The following TXLNB variants were observed in gnomAD, a reference collection of about 807,000 sequenced individuals.
TXLNB encodes beta-taxilin.
In TXLNB, 37 loss-of-function variants were observed where a neutral mutation model predicts 57.4. The observed-to-expected ratio is 0.64, with a 90% confidence interval of 0.50 to 0.85. The LOEUF is 0.85. TXLNB is among the 40% of genes least tolerant of loss of function. The pLI, the probability that TXLNB is intolerant of heterozygous loss-of-function variation, is 0.00. For synonymous variants in TXLNB, 302 were observed against 309.6 expected, an observed-to-expected ratio of 0.98 and a Z score of 0.26; for missense variants, 848 against 825.6, an observed-to-expected ratio of 1.03 and a Z score of -0.33.
the TXLNB span, among the ~76,000 whole-genome samples, chr6:139,172,254 G>A: frequency 2.0e-5 from 3 of 152,208 alleles, no homozygotes; most frequent in Non-Finnish European, 4.4e-5. Context: ...ATGAGCCACT[G>A]TGCCTAGCCT....
At chr6:139,221,405 T>C in the TXLNB span, among the ~76,000 whole-genome samples, 1 of 152,180 alleles carries the variant, frequency 6.6e-6, no homozygotes, top group African/African-American at 2.4e-5. Context: ...AACTGCCTGC[T>C]GGAAGCTAAA....
At chr6:139,164,693 G>A in the TXLNB span, among the ~76,000 whole-genome samples, 2 of 152,116 alleles carry the variant, frequency 1.3e-5, no homozygotes, top group Non-Finnish European at 2.9e-5. Context: ...ATTGAAAATT[G>A]TAGAAATGCC....
At chr6:139,250,019 T>C (rs1390700942) in intron 7 of TXLNB, among the ~76,000 whole-genome samples, 1 of 151,934 alleles carries the variant, frequency 6.6e-6, no homozygotes, top group Non-Finnish European at 1.5e-5. Context: ...TGTGGTTTTT[T>C]TTTTCTTTCT....
the TXLNB span, among the ~76,000 whole-genome samples, chr6:139,309,902 G>A: frequency 8.5e-5 from 13 of 152,180 alleles, no homozygotes; most frequent in African/African-American, 2.4e-4. Flanking sequence ...TCAATAAATG[G>A]TGCTGGAAAA....
At chr6:139,305,965 C>T in the TXLNB span, among the ~76,000 whole-genome samples, 82,309 of 151,958 alleles carry the variant, frequency 0.54, 24,050 homozygotes, top group African/African-American at 0.78. Flanking sequence ...TATTAATATT[C>T]GTGTAAAGTA....
the TXLNB span, among the ~76,000 whole-genome samples, chr6:139,225,175 T>A: frequency 6.6e-6 from 1 of 152,182 alleles, no homozygotes; most frequent in Admixed American, 6.5e-5. Context: ...TAAAAGTGAA[T>A]GTCCTTAATC....
At chr6:139,279,174 T>C (rs1333458199) in intron 2 of TXLNB, among the ~76,000 whole-genome samples, 1 of 152,212 alleles carries the variant, frequency 6.6e-6, no homozygotes, top group East Asian at 1.9e-4. Context: ...CCATTACCTG[T>C]CTTGTTTGGG....
downstream of TXLNB, among the ~76,000 whole-genome samples, chr6:139,235,379 T>G (rs2114382970): frequency 6.6e-6 from 1 of 152,258 alleles, no homozygotes; most frequent in Middle Eastern, 3.4e-3. Context: ...CAGATGAGAC[T>G]TTGGACTTTT....
chr6:139,212,218 C>T, the TXLNB span, among the ~76,000 whole-genome samples: 4 of 152,292 alleles, frequency 2.6e-5, no homozygotes, highest in East Asian at 1.9e-4. Flanking sequence ...ATGTTAAGCG[C>T]AGCCAGAGAG....
the TXLNB span, among the ~76,000 whole-genome samples, chr6:139,204,485 A>G: frequency 6.6e-6 from 1 of 152,186 alleles, no homozygotes; most frequent in Admixed American, 6.5e-5. Context: ...CCTTTGGGGA[A>G]GGCAGCCAGT....
intron 1 of TXLNB, 67 bp from the exon 2 acceptor site, chr6:139,288,980 A>G (rs1231283468): frequency 8.5e-7 from 1 of 1,181,228 alleles, no homozygotes; most frequent in African/African-American, 1.5e-5. Flanking sequence ...CTACATTTCA[A>G]TGGTAAGGAT....
In TXLNB at chr6:139,288,598, T is replaced by C; in HGVS notation, c.302A>G (p.Asp101Gly). The change falls in exon 2 of 10, where the codon GAC becomes GGC. Residue 101 changes from aspartate (D) to glycine (G), a missense_variant. Physicochemically the swap from Asp to Gly is moderately conservative, Grantham distance 94 (BLOSUM62 -1). Coordinates refer to ENST00000358430, the MANE Select transcript of TXLNB (RefSeq NM_153235.4). ...NAESPDNEDGDCEETTEEAGR... is the reference protein window; with the variant it reads ...NAESPDNEDGGCEETTEEAGR... ...AGCCTCTTCAGTTGTTTCCTCACAG[T>C]CCCCATCCTCGTTGTCAGGTGATTC... is the stretch of plus-strand genomic sequence containing the variant. 1 of 1,614,128 alleles carries C rather than the reference T, an allele frequency of 6.2e-7. No individual in the cohort carries two copies. The highest frequency in any genetic ancestry group is 8.5e-7 in the Non-Finnish European group (1 of 1,180,022).
intron 7 of TXLNB, chr6:139,255,355 G>C (rs1030804759): frequency 1.6e-6 from 1 of 606,618 alleles, no homozygotes; most frequent in Non-Finnish European, 3.1e-6. Flanking sequence ...GATGTTGCCG[G>C]CGCAGAACAT....
At chr6:139,302,904 A>G in the TXLNB span, among the ~76,000 whole-genome samples, 5 of 152,238 alleles carry the variant, frequency 3.3e-5, no homozygotes, top group Non-Finnish European at 7.3e-5. Flanking sequence ...AGGATAAGTG[A>G]TACAAATTCA....
chr6:139,252,748 T>C (rs1029039998), intron 7 of TXLNB, among the ~76,000 whole-genome samples: 5 of 152,174 alleles, frequency 3.3e-5, no homozygotes, highest in African/African-American at 1.2e-4. Context: ...TCCCAGCACT[T>C]TGGGAGGCCG....
chr6:139,249,854 C>T (rs958959544), intron 7 of TXLNB, among the ~76,000 whole-genome samples: 1 of 152,100 alleles, frequency 6.6e-6, no homozygotes, highest in African/African-American at 2.4e-5. Flanking sequence ...AAATTTGTTT[C>T]TCATGATTCC....
chr6:139,160,597 T>C, the TXLNB span, among the ~76,000 whole-genome samples: 4 of 152,174 alleles, frequency 2.6e-5, no homozygotes, highest in Non-Finnish European at 4.4e-5. Flanking sequence ...AAAATTTTCA[T>C]GGAGACGGAG....
the TXLNB span, among the ~76,000 whole-genome samples, chr6:139,229,554 C>T: frequency 6.6e-6 from 1 of 152,136 alleles, no homozygotes; most frequent in Non-Finnish European, 1.5e-5. Flanking sequence ...AACTCCTGAC[C>T]TTAGGTGATC....
chr6:139,245,849 T>C (rs914285151), intron 8 of TXLNB, among the ~76,000 whole-genome samples: 3 of 150,858 alleles, frequency 2.0e-5, no homozygotes, highest in African/African-American at 4.9e-5. Flanking sequence ...CCTGCCACCA[T>C]TCCTGGCTAA....
Sources: allele counts gnomAD v4.1 joint callset (sites outside exome capture counted in the v4.1 genomes callset), GRCh38; gene constraint gnomAD v4.1.1; transcripts MANE v1.5; gene names NCBI Gene and HGNC (gene_info 2026-07-23, HGNC 2026-07-21).